The following CACNA1D variants were observed in gnomAD, a reference collection of about 807,000 sequenced individuals.
The protein encoded by CACNA1D is voltage-dependent L-type calcium channel subunit alpha-1D.
CACNA1D carries 55 observed loss-of-function variants against 257.1 expected under a neutral mutation model. The observed-to-expected ratio is 0.21, with a 90% CI of 0.17 to 0.27. The LOEUF (loss-of-function observed/expected upper bound fraction) is 0.27, where lower values mean the gene tolerates loss of function less well. Ranked by LOEUF, CACNA1D falls within the 10% of genes least tolerant of loss-of-function variation. CACNA1D has a pLI of 1.00. For missense variants in CACNA1D, 1,876 were observed against 2,784.0 expected (o/e 0.67, Z 7.34); for synonymous variants, 980 against 1,014.9 (o/e 0.97, Z 0.65).
At chr3:53,527,285 A>T (rs2091801004) in intron 3 of CACNA1D, among the ~76,000 whole-genome samples, 1 of 152,186 alleles carries the variant, frequency 6.6e-6, no homozygotes, top group Non-Finnish European at 1.5e-5. Flanking sequence ...GCATTCTTCT[A>T]CTCCAGTGTG....
intron 9 of CACNA1D, among the ~76,000 whole-genome samples, chr3:53,707,063 G>T (rs546626444): frequency 4.6e-4 from 70 of 152,148 alleles, no homozygotes; most frequent in African/African-American, 1.6e-3. Context: ...CAGCTTTCAG[G>T]CTCTTGAAGT....
At chr3:53,645,745 G>A (rs1576214529) in intron 3 of CACNA1D, among the ~76,000 whole-genome samples, 1 of 152,278 alleles carries the variant, frequency 6.6e-6, no homozygotes, top group Non-Finnish European at 1.5e-5. Flanking sequence ...GTAACAGCAG[G>A]CTCTAATTTT....
chr3:53,774,615 A>G lies in CACNA1D; in HGVS notation c.4139A>G (p.Asn1380Ser). The change falls in exon 34 of 48, where the codon AAC becomes AGC. Residue 1380 changes from asparagine (N) to serine (S), a missense_variant. Coordinates refer to ENST00000350061, the MANE Select transcript of CACNA1D (RefSeq NM_001128840.3). This position sits in a 1 kb window ranked among gnomAD's most constrained non-coding sequence, Gnocchi z 4.3. Reference sequence around the variant, plus strand: ...TTTGGGAAAGTTGCCATGAGAGATAACAACCAGATCAATAGGAACAATAAC... The same window carrying G: ...TTTGGGAAAGTTGCCATGAGAGATAGCAACCAGATCAATAGGAACAATAAC... ...QMFGKVAMRD[N>S]NQINRNNNFQ... The G allele has an allele frequency of 1.9e-6, 3 of 1,611,534 alleles. No individual in the cohort carries two copies. Among genetic ancestry groups the G allele is most frequent in the Non-Finnish European group, 2.5e-6 (3 of 1,177,610 alleles).
intron 3 of CACNA1D, among the ~76,000 whole-genome samples, chr3:53,508,236 G>A (rs141978775): frequency 6.6e-5 from 10 of 152,088 alleles, no homozygotes; most frequent in African/African-American, 1.4e-4. Context: ...GTGGTTTGCC[G>A]CACCTATCAA....
intron 47 of CACNA1D, among the ~76,000 whole-genome samples, chr3:53,810,780 A>ACC (rs796085104): frequency 7.6e-6 from 1 of 131,906 alleles, no homozygotes; most frequent in Non-Finnish European, 1.6e-5. Flanking sequence ...AAAAAAAAAA[A>ACC]AAAAAACAAA....
intron 6 of CACNA1D, 82 bp from the exon 7 acceptor site, chr3:53,666,257 G>A: frequency 7.4e-7 from 1 of 1,346,362 alleles, no homozygotes; most frequent in Non-Finnish European, 1.1e-6. Context: ...CCCGGGCTCT[G>A]GCAAGGGTTC....
intron 11 of CACNA1D, 142 bp downstream of exon 11, chr3:53,719,923 T>TGAATCCTAATTC: frequency 1.2e-6 from 1 of 837,242 alleles, no homozygotes; most frequent in Non-Finnish European, 2.1e-6. Context: ...GTCAGTCAAT[T>TGAATCCTAATTC]GAATCCTATG....
In CACNA1D at chr3:53,780,140, C is replaced by T. The variant is rs1421615424; in HGVS notation, c.4690+12C>T. 3.8e-6 allele frequency: 6 copies of T among 1,586,886 alleles called. No homozygotes were observed. The highest frequency in any genetic ancestry group is 5.2e-6 in the Non-Finnish European group (6 of 1,155,134). On this transcript the variant is annotated intron_variant, in intron 38 of 47. Transcript: ENST00000350061. Reference sequence around the variant, plus strand: ...GATCAAGACCGAAGGTGAGCATTCCCTGCCAGCAAGACAAGATGGCAGGAA... The same window carrying T: ...GATCAAGACCGAAGGTGAGCATTCCTTGCCAGCAAGACAAGATGGCAGGAA...
intron 16 of CACNA1D, 83 bp downstream of exon 16, chr3:53,730,639 C>G: frequency 9.7e-7 from 1 of 1,029,496 alleles, no homozygotes; most frequent in South Asian, 1.3e-5. Flanking sequence ...GGCTTACCCC[C>G]GCATCACGGC....
intron 3 of CACNA1D, among the ~76,000 whole-genome samples, chr3:53,591,313 C>T (rs2093301103): frequency 6.6e-6 from 1 of 152,154 alleles, no homozygotes; most frequent in Non-Finnish European, 1.5e-5. Flanking sequence ...AATGCAGTGG[C>T]ATGACCTTGG....
At chr3:53,784,755 G>A (rs1228503060) in intron 39 of CACNA1D, among the ~76,000 whole-genome samples, 2 of 152,190 alleles carry the variant, frequency 1.3e-5, no homozygotes, top group Non-Finnish European at 2.9e-5. Context: ...GGAGTCATTA[G>A]CCAGACAACA....
intron 3 of CACNA1D, among the ~76,000 whole-genome samples, chr3:53,508,753 C>T (rs997752364): frequency 6.6e-6 from 1 of 152,106 alleles, no homozygotes; most frequent in East Asian, 1.9e-4. Flanking sequence ...GACAGCATGC[C>T]CAGCAGTAGA....
At chr3:53,611,439 GT>G (rs2093581927) in intron 3 of CACNA1D, among the ~76,000 whole-genome samples, 1 of 152,042 alleles carries the variant, frequency 6.6e-6, no homozygotes, top group South Asian at 2.1e-4. Flanking sequence ...TACACATAAG[GT>G]TTTTTTCTTC....
chr3:53,761,128 G>A (rs2095299048), intron 29 of CACNA1D, among the ~76,000 whole-genome samples: 1 of 152,212 alleles, frequency 6.6e-6, no homozygotes, highest in South Asian at 2.1e-4. Context: ...GAGACATCAG[G>A]AGGTGGGGAG....
intron 3 of CACNA1D, among the ~76,000 whole-genome samples, chr3:53,630,324 G>A (rs1015694678): frequency 6.6e-6 from 1 of 152,168 alleles, no homozygotes; most frequent in Non-Finnish European, 1.5e-5. Flanking sequence ...AATTCTAAAT[G>A]TCTATGGTTT....
At position 53,800,665 on chromosome 3, in the gene CACNA1D, TG is replaced by T. The variant is rs1446189332; in HGVS notation, c.5040+301del. On this transcript the variant is annotated intron_variant, in intron 41 of 47. Transcript: ENST00000350061. This position sits in a 1 kb window ranked among gnomAD's most constrained non-coding sequence, Gnocchi z 4.3. ...GAGCATCCTGAGTCCTTCCGGCAGC[TG>T]CCTTTGCTACCCTCCTCCTTCCCGG... 8.2e-5 allele frequency: 41 copies of T among 502,070 alleles called. No individual in the cohort carries two copies. Among genetic ancestry groups the T allele is most frequent in the Non-Finnish European group, 1.5e-4 (40 of 275,484 alleles). 31.1% of individuals were successfully genotyped at this position (502,070 alleles called of 1,614,324 possible).
chr3:53,559,502 C>T (rs1053581147), intron 3 of CACNA1D, among the ~76,000 whole-genome samples: 3 of 152,126 alleles, frequency 2.0e-5, no homozygotes, highest in African/African-American at 7.2e-5. Context: ...AAATTCTGAC[C>T]TGACTTCTCT....
chr3:53,698,221 A>AGGG (rs35885082), intron 8 of CACNA1D, among the ~76,000 whole-genome samples: 1 of 152,232 alleles, frequency 6.6e-6, no homozygotes, highest in Non-Finnish European at 1.5e-5. Flanking sequence ...CTGTCCCCAG[A>AGGG]GGGTTCTTCT....
chr3:53,783,944 G>C (rs781629236), intron 39 of CACNA1D, among the ~76,000 whole-genome samples: 1 of 152,220 alleles, frequency 6.6e-6, no homozygotes, highest in East Asian at 1.9e-4. Flanking sequence ...AAGTGGCTGG[G>C]ACTGGCAGAT....
Sources: allele counts gnomAD v4.1 joint callset (sites outside exome capture counted in the v4.1 genomes callset), GRCh38; gene constraint gnomAD v4.1.1; non-coding constraint Gnocchi (gnomAD v3.1); transcripts MANE v1.5; gene names NCBI Gene and HGNC (gene_info 2026-07-23, HGNC 2026-07-21).